CNTRL: variants seen among roughly 807,000 people sequenced by gnomAD.
The protein encoded by CNTRL is 110 kDa centrosomal protein.
A neutral mutation model predicts 303.7 loss-of-function variants in CNTRL; 233 were observed. That is an observed-to-expected ratio of 0.77 (90% CI 0.69 to 0.86). CNTRL has a LOEUF of 0.86. Ranked by LOEUF, CNTRL falls within the 40% of genes least tolerant of loss-of-function variation. The pLI, the probability that CNTRL is intolerant of heterozygous loss-of-function variation, is 0.00. For synonymous variants in CNTRL, 900 were observed against 922.2 expected (o/e 0.98, Z 0.44); for missense variants, 2,524 against 2,650.6 (o/e 0.95, Z 1.05).
intron 3 of CNTRL, 98 bp from the exon 4 acceptor site, chr9:121,090,177 C>G: frequency 9.7e-7 from 1 of 1,027,896 alleles, no homozygotes; most frequent in Non-Finnish European, 1.3e-6. Flanking sequence ...ATATTCATGG[C>G]TTAATTTTTG....
At chr9:121,157,644 T>A in intron 28 of CNTRL, 44 bp downstream of exon 28, 1 of 1,605,608 alleles carries the variant, frequency 6.2e-7, no homozygotes, top group South Asian at 1.1e-5. Flanking sequence ...TTGAGATGAA[T>A]GAAAAGTTTG....
At chr9:121,160,669 A>T (rs2052802479) in intron 32 of CNTRL, among the ~76,000 whole-genome samples, 1 of 152,182 alleles carries the variant, frequency 6.6e-6, no homozygotes, top group South Asian at 2.1e-4. Context: ...ACATCGCAGC[A>T]ATATTTATAA....
intron 15 of CNTRL, among the ~76,000 whole-genome samples, chr9:121,137,429 C>CTGG (rs1020777558): frequency 3.9e-5 from 6 of 152,114 alleles, no homozygotes; most frequent in African/African-American, 1.4e-4. Flanking sequence ...TTTTCTGTGC[C>CTGG]TGGCATATGA....
At chr9:121,163,348 T>C (rs2052945328) in intron 34 of CNTRL, among the ~76,000 whole-genome samples, 1 of 148,852 alleles carries the variant, frequency 6.7e-6, no homozygotes. Flanking sequence ...TATATACATA[T>C]TTATTTTATA....
chr9:121,106,680 G>T (rs1209707272), intron 7 of CNTRL, among the ~76,000 whole-genome samples: 6 of 152,148 alleles, frequency 3.9e-5, no homozygotes, highest in Non-Finnish European at 8.8e-5. Context: ...AAATGAGCCT[G>T]TCTGTTCATT....
At chr9:121,104,694 ATTTTTTT>A (rs10693661) in intron 7 of CNTRL, among the ~76,000 whole-genome samples, 11 of 96,450 alleles carry the variant, frequency 1.1e-4, no homozygotes, top group Admixed American at 4.1e-4. Flanking sequence ...GCCACTGGCA[ATTTTTTT>A]TTTTTTTTTT....
chr9:121,119,759 G>A (rs989576778), intron 12 of CNTRL, among the ~76,000 whole-genome samples: 3 of 152,154 alleles, frequency 2.0e-5, no homozygotes, highest in African/African-American at 7.2e-5. Flanking sequence ...CTCCCAAAGT[G>A]CTGGGATTAC....
intron 37 of CNTRL, 95 bp downstream of exon 37, chr9:121,167,772 A>AAT: frequency 9.0e-7 from 1 of 1,109,376 alleles, no homozygotes; most frequent in Non-Finnish European, 1.3e-6. Flanking sequence ...AAATATCCCC[A>AAT]ATGGGACTAT....
Position 121,103,295 on chromosome 9 carries a change from G to T in CNTRL, c.809-4507G>T, listed in dbSNP as rs536207626. The stretch of plus-strand genomic sequence containing the variant: ...ACAAACCTGACAAAAACAAGCAATG[G>T]GGAAGGGATTCCCTATTTAATAAAT... On this transcript the variant is annotated intron_variant, in intron 7 of 43. Transcript: ENST00000373855. Among the ~76,000 whole-genome samples, 15 of 152,292 alleles carry T rather than the reference G, an allele frequency of 9.8e-5. No homozygotes were observed. The South Asian group carries it at 2.9e-3, about 29-fold the overall frequency.
rs976836392 is a variant in CNTRL at position 121,141,942 on chromosome 9, G to A, written c.2692-149G>A. ...AACATTCCAATGACTCCTAGAGATC[G>A]TTCAAGATAAAACCATTCCTGACAA... On this transcript the variant is annotated intron_variant, in intron 18 of 43. Transcript: ENST00000373855. 2.6e-5 allele frequency: 17 copies of A among 654,494 alleles called. No individual in the cohort carries two copies. The East Asian group carries it at 2.8e-4, about 11-fold the overall frequency. 40.5% of individuals were successfully genotyped at this position (654,494 alleles called of 1,614,324 possible).
At chr9:121,164,323 C>A (rs2052997635) in intron 34 of CNTRL, among the ~76,000 whole-genome samples, 1 of 152,272 alleles carries the variant, frequency 6.6e-6, no homozygotes, top group East Asian at 1.9e-4. Flanking sequence ...GAAATGAAAG[C>A]ATATTTCTAC....
chr9:121,116,430 C>A (rs2049980681), intron 11 of CNTRL, among the ~76,000 whole-genome samples: 1 of 151,744 alleles, frequency 6.6e-6, no homozygotes, highest in African/African-American at 2.4e-5. Flanking sequence ...AGGTGATTCT[C>A]CCACCTTAGC....
chr9:121,171,379 GCA>G (rs2053296584), intron 39 of CNTRL, 27 bp from the exon 40 acceptor site: 1 of 1,612,604 alleles, frequency 6.2e-7, no homozygotes, highest in South Asian at 1.1e-5. Flanking sequence ...GTGTTAGATC[GCA>G]GAGTTATTTT....
chr9:121,128,611 A>G lies in CNTRL; in HGVS notation c.2025+2675A>G, dbSNP rs181565468. On this transcript the variant is annotated intron_variant, in intron 14 of 43. Transcript: ENST00000373855. ...TAGGTTGCCTGTTCACTCTGATGGTAGTTTCTTTTGCTGTGCAGAAGCTCT... is the reference window on the plus strand; with the variant it reads ...TAGGTTGCCTGTTCACTCTGATGGTGGTTTCTTTTGCTGTGCAGAAGCTCT... Among the ~76,000 whole-genome samples the G allele has an allele frequency of 9.5e-3, 1,453 of 152,226 alleles. 39 individuals are homozygous for G. The highest frequency in any genetic ancestry group is 0.053 in the Admixed American group (811 of 15,294).
chr9:121,075,442 AG>A (rs1306656551), intron 1 of CNTRL, among the ~76,000 whole-genome samples: 2 of 152,188 alleles, frequency 1.3e-5, no homozygotes. Flanking sequence ...AGCGGGAGAA[AG>A]GACAGTTTGG....
At chr9:121,153,475 G>A (rs2052397949) in intron 26 of CNTRL, among the ~76,000 whole-genome samples, 1 of 152,038 alleles carries the variant, frequency 6.6e-6, no homozygotes, top group Non-Finnish European at 1.5e-5. Flanking sequence ...CAAAATAAAG[G>A]TCAGAGATCC....
intron 18 of CNTRL, 68 bp downstream of exon 18, chr9:121,141,656 C>T (rs955946543): frequency 7.5e-7 from 1 of 1,338,978 alleles, no homozygotes; most frequent in African/African-American, 1.5e-5. Context: ...CAGCAAATTA[C>T]AATGCTTCCT....
intron 7 of CNTRL, among the ~76,000 whole-genome samples, chr9:121,103,739 AACAG>A (rs1438034180): frequency 6.6e-6 from 1 of 152,278 alleles, no homozygotes; most frequent in African/African-American, 2.4e-5. Context: ...GAAGGATATG[AACAG>A]ACACATCTCA....
chr9:121,088,194 G>C, intron 2 of CNTRL, 102 bp from the exon 3 acceptor site: 1 of 632,642 alleles, frequency 1.6e-6, no homozygotes, highest in Non-Finnish European at 2.8e-6. Context: ...TAGCATTTAT[G>C]GCCTCTGAGT....
Sources: allele counts gnomAD v4.1 joint callset (sites outside exome capture counted in the v4.1 genomes callset), GRCh38; gene constraint gnomAD v4.1.1; transcripts MANE v1.5; gene names NCBI Gene and HGNC (gene_info 2026-07-23, HGNC 2026-07-21).